Variants in CES5A observed in about 807,000 individuals in gnomAD.
CES5A encodes the protein carboxylesterase 5A.
Under a neutral mutation model 62.9 loss-of-function variants are expected in CES5A, and 67 were observed. The ratio of observed to expected loss-of-function variants is 1.07; its 90% CI spans 0.88 to 1.31. The LOEUF (loss-of-function observed/expected upper bound fraction) is 1.31. Among genes scored for constraint, CES5A ranks in the 50% most tolerant of loss-of-function variants. The pLI is 0.00. For synonymous variants in CES5A, 296 were observed against 280.8 expected (o/e 1.05, Z -0.54); for missense variants, 748 against 708.5 (o/e 1.06, Z -0.63).
chr16:55,880,263 C>A (rs373279906), upstream of CES5A, among the ~76,000 whole-genome samples: 2 of 152,180 alleles, frequency 1.3e-5, no homozygotes, highest in Admixed American at 1.3e-4. Context: ...TGCCCCAGGG[C>A]AGAAATGTCC....
At chr16:55,922,172 G>A (rs892156725) in intron 1 of CES5A, among the ~76,000 whole-genome samples, 1 of 151,940 alleles carries the variant, frequency 6.6e-6, no homozygotes, top group South Asian at 2.1e-4. Flanking sequence ...AATGTCAATA[G>A]TAAGCCCTTA....
intron 1 of CES5A, among the ~76,000 whole-genome samples, chr16:55,883,285 G>A (rs1369839692): frequency 6.6e-6 from 1 of 151,992 alleles, no homozygotes; most frequent in Non-Finnish European, 1.5e-5. Flanking sequence ...GTTTTGTTTT[G>A]TTTCGTTTTA....
At position 55,937,401 on chromosome 16, in the gene CES5A, A is replaced by C. The variant is rs1018194107; in HGVS notation, c.160+12384T>G. Reference sequence around the variant, plus strand: ...CTTGTTGATGATAAAGCAGTGAGGCAGGCTTACCTAAAGGCCTCCATCCTG... The same window carrying C: ...CTTGTTGATGATAAAGCAGTGAGGCCGGCTTACCTAAAGGCCTCCATCCTG... On this transcript the variant is annotated intron_variant, in intron 2 of 13. Transcript: ENST00000521992. Among the ~76,000 whole-genome samples, 4 of 152,228 alleles carry C rather than the reference A, an allele frequency of 2.6e-5. No homozygotes were observed. In the South Asian group the frequency reaches 8.3e-4, roughly 32 times the overall value.
At chr16:55,859,897 T>A (rs1208102235) in intron 7 of CES5A, among the ~76,000 whole-genome samples, 5 of 152,206 alleles carry the variant, frequency 3.3e-5, no homozygotes, top group Non-Finnish European at 7.3e-5. Context: ...GCTAAACTTG[T>A]CTGTGCCTTA....
At chr16:55,884,015 T>C (rs2033788034) in intron 1 of CES5A, among the ~76,000 whole-genome samples, 2 of 152,278 alleles carry the variant, frequency 1.3e-5, no homozygotes, top group East Asian at 3.9e-4. Flanking sequence ...TCTGTGTCCA[T>C]TAGTCCTGAA....
intron 1 of CES5A, among the ~76,000 whole-genome samples, chr16:55,908,344 G>GTTGTTTGTTTGTTTGT (rs3068646): frequency 6.6e-6 from 1 of 150,942 alleles, no homozygotes; most frequent in African/African-American, 2.4e-5. Flanking sequence ...CAGTTTTGTT[G>GTTGTTTGTTTGTTTGT]TTGTTTGTTT....
chr16:55,924,437 G>A (rs1186558742), intron 1 of CES5A, among the ~76,000 whole-genome samples: 11 of 151,678 alleles, frequency 7.3e-5, no homozygotes, highest in Non-Finnish European at 1.6e-4. Flanking sequence ...CACACACAAA[G>A]AAATATATTC....
At chr16:55,860,144 C>A (rs183225579) in intron 7 of CES5A, among the ~76,000 whole-genome samples, 46 of 151,638 alleles carry the variant, frequency 3.0e-4, no homozygotes, top group Non-Finnish European at 5.5e-4. Flanking sequence ...GGGGAGCTCC[C>A]CTGAACAAGC....
intron 7 of CES5A, among the ~76,000 whole-genome samples, chr16:55,860,212 A>G (rs1214393430): frequency 6.6e-6 from 1 of 151,998 alleles, no homozygotes; most frequent in Non-Finnish European, 1.5e-5. Flanking sequence ...ACCCTCTACC[A>G]TGATTGTGAG....
intron 1 of CES5A, among the ~76,000 whole-genome samples, chr16:55,901,996 G>A (rs2033995004): frequency 6.6e-6 from 1 of 152,178 alleles, no homozygotes; most frequent in Non-Finnish European, 1.5e-5. Context: ...GGTGAGGACT[G>A]TAATGAGGCA....
chr16:55,880,241 C>A (rs956298139), upstream of CES5A, among the ~76,000 whole-genome samples: 4 of 152,196 alleles, frequency 2.6e-5, no homozygotes, highest in African/African-American at 9.6e-5. Flanking sequence ...TGGGCCCTGG[C>A]TTTCTATTTT....
intron 1 of CES5A, among the ~76,000 whole-genome samples, chr16:55,897,587 C>A (rs760332320): frequency 3.9e-5 from 6 of 152,160 alleles, no homozygotes; most frequent in African/African-American, 1.4e-4. Flanking sequence ...CCAGAATACC[C>A]AAATTTTCTG....
At chr16:55,855,365 G>A (rs1332773678) in intron 9 of CES5A, among the ~76,000 whole-genome samples, 2 of 152,232 alleles carry the variant, frequency 1.3e-5, no homozygotes, top group African/African-American at 4.8e-5. Context: ...CTATATCCTA[G>A]TGTCTAGAGT....
chr16:55,940,751 C>T (rs1313720473), intron 2 of CES5A, among the ~76,000 whole-genome samples: 1 of 151,496 alleles, frequency 6.6e-6, no homozygotes, highest in African/African-American at 2.4e-5. Flanking sequence ...TTCATAAATA[C>T]AGAAGCAAAA....
intron 11 of CES5A, 52 bp downstream of exon 11, chr16:55,849,572 T>A (rs189003530): frequency 1.3e-6 from 2 of 1,592,484 alleles, no homozygotes; most frequent in African/African-American, 2.7e-5. Flanking sequence ...TGCATCGTGG[T>A]GGGGTAAGCA....
chr16:55,945,552 G>A (rs1045021234), intron 2 of CES5A, among the ~76,000 whole-genome samples: 1 of 152,212 alleles, frequency 6.6e-6, no homozygotes, highest in Admixed American at 6.5e-5. Flanking sequence ...TTTAGCTCTA[G>A]CACTAACTGG....
intron 1 of CES5A, among the ~76,000 whole-genome samples, chr16:55,892,740 A>G (rs2033894086): frequency 6.6e-6 from 1 of 151,998 alleles, no homozygotes; most frequent in Admixed American, 6.5e-5. Context: ...AAAATAGTGG[A>G]TAGACTTCTA....
chr16:55,891,247 C>T (rs1226090233), intron 1 of CES5A, among the ~76,000 whole-genome samples: 1 of 152,172 alleles, frequency 6.6e-6, no homozygotes, highest in Non-Finnish European at 1.5e-5. Flanking sequence ...AATAAGAACC[C>T]CTTCCCCTCC....
chr16:55,870,060 CA>C (rs1314081556), intron 3 of CES5A, among the ~76,000 whole-genome samples: 1 of 152,152 alleles, frequency 6.6e-6, no homozygotes, highest in African/African-American at 2.4e-5. Flanking sequence ...GAGGTTTAAA[CA>C]AAATTCTGCA....
Sources: allele counts gnomAD v4.1 joint callset (sites outside exome capture counted in the v4.1 genomes callset), GRCh38; gene constraint gnomAD v4.1.1; transcripts MANE v1.5; gene names NCBI Gene and HGNC (gene_info 2026-07-23, HGNC 2026-07-21).